Variants in STK26 observed in about 807,000 individuals in gnomAD.
STK26 encodes the protein serine/threonine kinase 26, also known as serine/threonine-protein kinase 26.
Under a neutral mutation model 34.7 loss-of-function variants are expected in STK26, and 14 were observed. The observed-to-expected ratio is 0.40, with a 90% confidence interval of 0.27 to 0.63. The LOEUF is 0.63. STK26 is among the 30% of genes least tolerant of loss of function. The probability of loss-of-function intolerance (pLI) is 0.38; values close to 1 mark genes in which losing one functional copy is unlikely to be tolerated. For synonymous variants in STK26, 100 were observed against 109.8 expected, an observed-to-expected ratio of 0.91 and a Z score of 0.56; for missense variants, 226 against 309.1, an observed-to-expected ratio of 0.73 and a Z score of 2.02.
At chrX:132,028,242 G>A (rs1310584718) in intron 2 of STK26, among the ~76,000 whole-genome samples, 20 of 84,166 alleles carry the variant, frequency 2.4e-4, no homozygotes, top group African/African-American at 8.8e-4. Flanking sequence ...ATGGACATAT[G>A]TTTAGTACTA....
chrX:132,071,768 T>C (rs1354369484), intron 8 of STK26, among the ~76,000 whole-genome samples: 1 of 112,564 alleles, frequency 8.9e-6, no homozygotes, highest in Non-Finnish European at 1.9e-5. Context: ...AAAGTCTGTA[T>C]GCTATGCCAG....
At chrX:132,025,306 G>A (rs1360474102) in intron 2 of STK26, among the ~76,000 whole-genome samples, 4 of 112,019 alleles carry the variant, frequency 3.6e-5, no homozygotes, top group Non-Finnish European at 7.5e-5. Flanking sequence ...TGCGTCAGCA[G>A]AGTGAGTGCC....
intron 2 of STK26, among the ~76,000 whole-genome samples, chrX:132,032,701 A>G (rs1925887838): frequency 8.9e-6 from 1 of 111,751 alleles, no homozygotes; most frequent in Non-Finnish European, 1.9e-5. Context: ...TTATGGAACA[A>G]TAGGGTGTCT....
intron 2 of STK26, among the ~76,000 whole-genome samples, chrX:132,029,423 G>T (rs552408502): frequency 9.0e-6 from 1 of 111,249 alleles, no homozygotes; most frequent in Non-Finnish European, 1.9e-5. Flanking sequence ...TTTGTAAAAG[G>T]TGTTATGATG....
At position 132,037,769 on chromosome X, in the gene STK26, C is replaced by CTTTTTTT. The variant is rs755403402; in HGVS notation, c.42+14127_42+14133dup. Among the ~76,000 whole-genome samples the CTTTTTTT allele has an allele frequency of 4.3e-3, 221 of 51,829 alleles. 11 individuals carry two copies. The highest frequency in any genetic ancestry group is 0.016 in the African/African-American group (180 of 11,346). 45.0% of individuals were successfully genotyped at this position (51,829 alleles called of 115,157 possible). A position where few individuals can be genotyped will look rare whatever the true frequency, so the allele number is the denominator to read the frequency against. On this transcript the variant is annotated intron_variant, in intron 2 of 11. Coordinates refer to ENST00000394334, the MANE Select transcript of STK26 (RefSeq NM_016542.4). ...ACAAAGTCTTGTAACCGGAGAGCTGCTTTTTTTTTTTTTTTTTTTTTTTAA... is the reference window on the plus strand; with the variant it reads ...ACAAAGTCTTGTAACCGGAGAGCTGCTTTTTTTTTTTTTTTTTTTTTTTTTTTTTTAA...
intron 1 of STK26, 44 bp downstream of exon 1, chrX:132,023,451 C>T (rs1265688311): frequency 6.1e-6 from 4 of 653,841 alleles, no homozygotes; most frequent in Non-Finnish European, 9.9e-6. Context: ...AGCCCACCTC[C>T]TAGCCCCGGG....
At position 132,075,838 on chromosome X, in the gene STK26, T is replaced by C. The variant is rs915220421; in HGVS notation, c.*1679T>C. On this transcript the variant is annotated 3_prime_UTR_variant, in exon 12 of 12. Coordinates refer to ENST00000394334, the MANE Select transcript of STK26 (RefSeq NM_016542.4). The stretch of plus-strand genomic sequence containing the variant: ...AACACAATTGCATCCCAAATACAAA[T>C]TGTATTGCTTATTCATTATAGCTAT... 1 of 112,016 alleles carries C rather than the reference T, an allele frequency of 8.9e-6. No individual in the cohort carries two copies. Among genetic ancestry groups the C allele is most frequent in the Non-Finnish European group, 1.9e-5 (1 of 53,047 alleles). 9.2% of individuals were successfully genotyped at this position (112,016 alleles called of 1,213,427 possible).
At chrX:132,029,979 T>C in intron 2 of STK26, among the ~76,000 whole-genome samples, 1 of 111,892 alleles carries the variant, frequency 8.9e-6, no homozygotes, top group East Asian at 2.8e-4. Flanking sequence ...ATGAATTATA[T>C]GTAAAATCTT....
intron 2 of STK26, among the ~76,000 whole-genome samples, chrX:132,027,302 G>C (rs1363031869): frequency 3.6e-5 from 4 of 111,843 alleles, no homozygotes; most frequent in Admixed American, 9.5e-5. Context: ...AATAACATGA[G>C]CTAGTCAACA....
intron 2 of STK26, among the ~76,000 whole-genome samples, chrX:132,048,808 A>G (rs1469042806): frequency 1.8e-5 from 2 of 111,743 alleles, no homozygotes; most frequent in Non-Finnish European, 3.8e-5. Context: ...GTTGGATTGA[A>G]TGACCTATAT....
chrX:132,067,027 G>A (rs1448655932), intron 4 of STK26, among the ~76,000 whole-genome samples: 1 of 111,706 alleles, frequency 9.0e-6, no homozygotes, highest in Admixed American at 9.5e-5. Context: ...ACTACTGTTT[G>A]AATAGAAACT....
intron 2 of STK26, among the ~76,000 whole-genome samples, chrX:132,049,877 A>G (rs939265793): frequency 2.7e-5 from 3 of 111,767 alleles, no homozygotes; most frequent in Admixed American, 9.5e-5. Context: ...CAGGTGCAAA[A>G]CAATTCAACC....
chrX:132,033,516 A>G, intron 2 of STK26, among the ~76,000 whole-genome samples: 1 of 112,184 alleles, frequency 8.9e-6, no homozygotes, highest in Non-Finnish European at 1.9e-5. Context: ...TGGCAAACTC[A>G]TTAATTAGGA....
chrX:132,037,588 G>C (rs1195519165), intron 2 of STK26, among the ~76,000 whole-genome samples: 1 of 110,575 alleles, frequency 9.0e-6, no homozygotes, highest in African/African-American at 3.3e-5. Flanking sequence ...TCAGAGATAT[G>C]TGGGCAGTAA....
At position 132,069,643 on chromosome X, in the gene STK26, C is replaced by A; in HGVS notation, c.763C>A (p.Leu255Met). The A allele has an allele frequency of 1.8e-6, 2 of 1,132,436 alleles. No homozygotes were observed. Among genetic ancestry groups the A allele is most frequent in the Non-Finnish European group, 2.3e-6 (2 of 855,998 alleles). 93.3% of individuals were successfully genotyped at this position (1,132,436 alleles called of 1,213,427 possible). The change falls in exon 7 of 12, where the codon CTG (leucine) becomes ATG (methionine). Residue 255 changes from leucine to methionine, a missense_variant. Physicochemically the swap from Leu to Met is conservative, Grantham distance 15. Coordinates refer to ENST00000394334, the MANE Select transcript of STK26 (RefSeq NM_016542.4). ...KSFKEFIDACLNKDPSFRPTA... is the reference protein window; with the variant it reads ...KSFKEFIDACMNKDPSFRPTA... ...TTTTAAGGAGTTTATTGATGCTTGC[C>A]TGAACAAAGATCCATCATTTGTGAG... is the stretch of plus-strand genomic sequence containing the variant.
chrX:132,074,939 T>A lies in STK26; in HGVS notation c.*780T>A, dbSNP rs1316609391. 8.9e-6 allele frequency: 1 copy of A among 111,911 alleles called. No individual in the cohort carries two copies. Among genetic ancestry groups the A allele is most frequent in the Admixed American group, 9.6e-5 (1 of 10,467 alleles). 9.2% of individuals were successfully genotyped at this position (111,911 alleles called of 1,213,427 possible). On this transcript the variant is annotated 3_prime_UTR_variant, in exon 12 of 12. Coordinates refer to ENST00000394334, the MANE Select transcript of STK26 (RefSeq NM_016542.4). Reference sequence around the variant, plus strand: ...AGTTAGTCTGGCTTCATGTTTTACATCTTCAACTAAAATCCCATACTATCT... The same window carrying A: ...AGTTAGTCTGGCTTCATGTTTTACAACTTCAACTAAAATCCCATACTATCT...
At chrX:132,032,483 AG>A (rs767166760) in intron 2 of STK26, among the ~76,000 whole-genome samples, 8 of 112,062 alleles carry the variant, frequency 7.1e-5, no homozygotes, top group Non-Finnish European at 1.3e-4. Context: ...TTACAGAAAA[AG>A]TTTTCAGCCT....
intron 2 of STK26, among the ~76,000 whole-genome samples, chrX:132,030,667 G>GT (rs1279211583): frequency 0.02 from 2,139 of 104,436 alleles, 49 homozygotes; most frequent in African/African-American, 0.061. Context: ...TGGTTCTACT[G>GT]TTTTTTTTTT....
rs928021166 is a variant in STK26, at chrX:132,074,860, G to C, written c.*701G>C. On this transcript the variant is annotated 3_prime_UTR_variant, in exon 12 of 12. Transcript: ENST00000394334. ...ATTTTACCCTTATTTCACATGGTTA[G>C]AAATTTAAAGCAAGATCATTTACCC... is the stretch of plus-strand genomic sequence containing the variant. 1 of 111,321 alleles carries C rather than the reference G, an allele frequency of 9.0e-6. No individual in the cohort carries two copies. Among genetic ancestry groups the C allele is most frequent in the African/African-American group, 3.3e-5 (1 of 30,591 alleles). 9.2% of individuals were successfully genotyped at this position (111,321 alleles called of 1,213,427 possible).
Sources: gnomAD v4.1 joint callset for allele counts (sites outside exome capture counted in the v4.1 genomes callset) on GRCh38, gnomAD v4.1.1 for gene constraint, MANE v1.5 for transcripts, NCBI Gene and HGNC (gene_info 2026-07-23, HGNC 2026-07-21) for gene names.